Variants in FBN3 observed in about 807,000 individuals in gnomAD.
FBN3 encodes fibrillin 3.
FBN3 carries 234 observed loss-of-function variants against 330.1 expected under a neutral mutation model. The observed-to-expected ratio is 0.71, with a 90% CI of 0.64 to 0.79. FBN3 has a LOEUF of 0.79. FBN3 is among the 30% of genes least tolerant of loss of function. The pLI is 0.00. For missense variants in FBN3, 3,606 were observed against 3,886.9 expected, an observed-to-expected ratio of 0.93 and a Z score of 1.92; for synonymous variants, 1,458 against 1,517.3, an observed-to-expected ratio of 0.96 and a Z score of 0.91.
At chr19:8,117,951 C>T (rs1232811909) in intron 26 of FBN3, among the ~76,000 whole-genome samples, 2 of 151,948 alleles carry the variant, frequency 1.3e-5, no homozygotes, top group Admixed American at 6.6e-5. Flanking sequence ...TCCACTTGCA[C>T]ACAAATACAC....
chr19:8,134,561 T>C (rs1274537002), intron 13 of FBN3, among the ~76,000 whole-genome samples: 3 of 152,094 alleles, frequency 2.0e-5, no homozygotes, highest in Non-Finnish European at 4.4e-5. Context: ...TGTGGCTGTG[T>C]TTGCTTGCAT....
At chr19:8,076,511 C>T (rs549257169) in intron 59 of FBN3, among the ~76,000 whole-genome samples, 1 of 152,076 alleles carries the variant, frequency 6.6e-6, no homozygotes, top group South Asian at 2.1e-4. Flanking sequence ...TGGTGGTACA[C>T]GCCTGTAGTC....
chr19:8,141,988 G>C lies in FBN3; in HGVS notation c.691C>G (p.Pro231Ala). 1 of 1,614,166 alleles carries C rather than the reference G, an allele frequency of 6.2e-7. No homozygotes were observed. Among genetic ancestry groups the C allele is most frequent in the Non-Finnish European group, 8.5e-7 (1 of 1,180,018 alleles). ...PCELCPAQPH[P>A]CRRGFIPNIH... ...TTGGGGATGAAGCCGCGGCGGCAGG[G>C]GTGTGGCTGTGCAGGGCAAAGTTCA... is the stretch of plus-strand genomic sequence containing the variant. The change falls in exon 7 of 64, where the codon CCC (proline) becomes GCC (alanine). Residue 231 changes from proline to alanine, a missense_variant. Coordinates refer to ENST00000600128, the MANE Select transcript of FBN3 (RefSeq NM_032447.5).
At position 8,147,433 on chromosome 19, in the gene FBN3, G is replaced by C. The variant is rs763208441; in HGVS notation, c.48C>G (p.Leu16=). The change falls in exon 2 of 64, where the codon CTC becomes CTG. Residue 16 remains leucine, a synonymous_variant. Transcript: ENST00000600128. ...ACAACAGGGCCGACCAGGCCAGCAG[G>C]AGCCGGGCCAGGGGGCCCCTTGCCA... is the stretch of plus-strand genomic sequence containing the variant. ...LYLARGPLAR[L]LLAWSALLCM... 2 of 1,579,096 alleles carry C rather than the reference G, an allele frequency of 1.3e-6. No homozygotes were observed. The highest frequency in any genetic ancestry group is 1.7e-6 in the Non-Finnish European group (2 of 1,164,850).
chr19:8,083,206 C>G, intron 57 of FBN3, 41 bp downstream of exon 57: 2 of 1,611,728 alleles, frequency 1.2e-6, no homozygotes, highest in Non-Finnish European at 1.7e-6. Flanking sequence ...AGAAGGTGGC[C>G]AGGCTGGGCC....
At chr19:8,075,901 C>A (rs1292171581) in intron 59 of FBN3, among the ~76,000 whole-genome samples, 1 of 152,128 alleles carries the variant, frequency 6.6e-6, no homozygotes, top group Non-Finnish European at 1.5e-5. Context: ...TCAGCCGGTG[C>A]CATGGATTGA....
chr19:8,085,715 C>T, intron 55 of FBN3, 146 bp from the exon 56 acceptor site: 2 of 605,354 alleles, frequency 3.3e-6, no homozygotes, highest in South Asian at 4.6e-5. Flanking sequence ...GACAGATGGC[C>T]CTAGTGGGTC....
At chr19:8,093,267 C>A (rs904039368) in intron 47 of FBN3, among the ~76,000 whole-genome samples, 1 of 151,398 alleles carries the variant, frequency 6.6e-6, no homozygotes, top group Non-Finnish European at 1.5e-5. Context: ...GTGGGAGGAT[C>A]GCTTGAGGTC....
In FBN3 at chr19:8,109,894, T is replaced by C; in HGVS notation, c.4334-141A>G. ...TGTGGGACAATGTCATGTCCTTCCC[T>C]GGGAAGAAACCTAAGGGGACAGGAG... On this transcript the variant is annotated intron_variant, in intron 34 of 63. Transcript: ENST00000600128. The surrounding 1 kb of genome is among the most constrained non-coding windows in gnomAD (Gnocchi z 5.2). 1 of 942,336 alleles carries C rather than the reference T, an allele frequency of 1.1e-6. No individual in the cohort carries two copies. The highest frequency in any genetic ancestry group is 1.5e-6 in the Non-Finnish European group (1 of 675,938). The allele number at this position is 942,336 out of a possible 1,614,324, so 58.4% of individuals were successfully genotyped here.
intron 13 of FBN3, 25 bp downstream of exon 13, chr19:8,135,936 G>GGCCA: frequency 1.5e-6 from 1 of 668,776 alleles, no homozygotes. Context: ...GGAAGCCCCT[G>GGCCA]CCCACCCGCC....
At chr19:8,143,971 T>C (rs1301199474) in intron 6 of FBN3, among the ~76,000 whole-genome samples, 1 of 151,996 alleles carries the variant, frequency 6.6e-6, no homozygotes, top group Non-Finnish European at 1.5e-5. Context: ...CATGCCAGGC[T>C]AATTTTTTAC....
At position 8,129,626 on chromosome 19, in the gene FBN3, C is replaced by G; in HGVS notation, c.2045-261G>C. On this transcript the variant is annotated intron_variant, in intron 16 of 63. Coordinates refer to ENST00000600128, the MANE Select transcript of FBN3 (RefSeq NM_032447.5). This position sits in a 1 kb window ranked among gnomAD's most constrained non-coding sequence, Gnocchi z 4.5. The stretch of plus-strand genomic sequence containing the variant: ...TCGAGCAGCTCCCGTGGCCTCCACC[C>G]ATGAGATGTCAGTAGCACCCACCGC... Among the ~76,000 whole-genome samples, 1 of 152,084 alleles carries G rather than the reference C, an allele frequency of 6.6e-6. No individual in the cohort carries two copies. The highest frequency in any genetic ancestry group is 1.9e-4 in the East Asian group (1 of 5,190).
In FBN3 at chr19:8,136,424, C is replaced by T. The variant is rs765550768; in HGVS notation, c.1309G>A (p.Val437Met). 4.3e-6 allele frequency: 7 copies of T among 1,614,024 alleles called. No individual in the cohort carries two copies. The highest frequency in any genetic ancestry group is 1.7e-5 in the Admixed American group (1 of 59,998). Residue 437 changes from valine (V) to methionine (M), a missense_variant, in exon 11 of 64, where the codon GTG becomes ATG. Coordinates refer to ENST00000600128, the MANE Select transcript of FBN3 (RefSeq NM_032447.5). ...TPSSYRCECNVGYTQDVRGEC... is the reference protein window; with the variant it reads ...TPSSYRCECNMGYTQDVRGEC... ...CCGCGCACGTCCTGGGTGTAGCCCACGTTACACTCGCAGCGGTAGCTGGAA... is the reference window on the plus strand; with the variant it reads ...CCGCGCACGTCCTGGGTGTAGCCCATGTTACACTCGCAGCGGTAGCTGGAA...
chr19:8,121,498 G>T lies in FBN3; in HGVS notation c.3083-112C>A. On this transcript the variant is annotated intron_variant, in intron 24 of 63. Transcript: ENST00000600128. The surrounding 1 kb of genome is among the most constrained non-coding windows in gnomAD (Gnocchi z 4.5). The stretch of plus-strand genomic sequence containing the variant: ...GGTGTGGGCTAGAGGAAGCCCATCT[G>T]CAGACATAAGGAGGCACAGGCCAAG... 1 of 1,115,388 alleles carries T rather than the reference G, an allele frequency of 9.0e-7. No individual in the cohort carries two copies. Among genetic ancestry groups the T allele is most frequent in the Non-Finnish European group, 1.2e-6 (1 of 810,992 alleles). 69.1% of individuals were successfully genotyped at this position (1,115,388 alleles called of 1,614,324 possible).
At chr19:8,090,331 T>G in intron 48 of FBN3, 80 bp from the exon 49 acceptor site, 3 of 1,511,654 alleles carry the variant, frequency 2.0e-6, no homozygotes, top group Non-Finnish European at 2.7e-6. Flanking sequence ...CGCACCCCAG[T>G]CCTGGTGAAT....
rs369872051 is a variant in FBN3, at chr19:8,096,097, G to A, written c.5540-17C>T. 60 of 1,595,748 alleles carry A rather than the reference G, an allele frequency of 3.8e-5. No individual in the cohort carries two copies. The highest frequency in any genetic ancestry group is 3.8e-4 in the South Asian group (34 of 90,628). ...CGTCAATGTCTGCAGAAGCAAAGCC[G>A]AGAGCCCAACCCAGCTCACCCAGGG... On this transcript the variant is annotated splice_polypyrimidine_tract_variant and intron_variant, in intron 44 of 63. Transcript: ENST00000600128. The surrounding 1 kb of genome is among the most constrained non-coding windows in gnomAD (Gnocchi z 4.6).
At chr19:8,147,249 C>T (rs1191972530) in intron 2 of FBN3, 63 bp from the exon 3 acceptor site, 1 of 1,559,528 alleles carries the variant, frequency 6.4e-7, no homozygotes, top group East Asian at 2.4e-5. Flanking sequence ...CCCGGGTATT[C>T]CGCTGGCCCC....
At position 8,088,950 on chromosome 19, in the gene FBN3, GTGAA is replaced by G. The variant is rs778437147; in HGVS notation, c.6376+591_6376+594del. Reference sequence around the variant, plus strand: ...AATGAGGGAGTGATTGAATGAACAAGTGAATGAATGAACAAGCGAAGGAATGAGT... The same window carrying G: ...AATGAGGGAGTGATTGAATGAACAAGTGAATGAACAAGCGAAGGAATGAGT... On this transcript the variant is annotated intron_variant, in intron 51 of 63. Transcript: ENST00000600128. Among the ~76,000 whole-genome samples the G allele has an allele frequency of 1.3e-3, 201 of 152,248 alleles. 4 individuals are homozygous for G. Among genetic ancestry groups the G allele is most frequent in the South Asian group, 4.1e-4 (2 of 4,824 alleles).
chr19:8,115,772 T>C lies in FBN3; in HGVS notation c.3713-132A>G, dbSNP rs548436936. ...GCACAGGTCCTCTCTGCTAGGACTC[T>C]CTTTCTTTTCTCCAGGGGCGGGGAG... On this transcript the variant is annotated intron_variant, in intron 29 of 63. Coordinates refer to ENST00000600128, the MANE Select transcript of FBN3 (RefSeq NM_032447.5). The C allele has an allele frequency of 7.8e-6, 8 of 1,026,294 alleles. No homozygotes were observed. The South Asian group carries it at 7.9e-5, about 10-fold the overall frequency. The allele number at this position is 1,026,294 out of a possible 1,614,324, so 63.6% of individuals were successfully genotyped here.
Sources: gnomAD v4.1 joint callset for allele counts (sites outside exome capture counted in the v4.1 genomes callset) on GRCh38, gnomAD v4.1.1 for gene constraint, Gnocchi (gnomAD v3.1) non-coding constraint, MANE v1.5 for transcripts, NCBI Gene and HGNC (gene_info 2026-07-23, HGNC 2026-07-21) for gene names.